TCF12: variants seen among roughly 807,000 people sequenced by gnomAD.
TCF12 encodes transcription factor 12.
TCF12 carries 45 observed loss-of-function variants against 86.0 expected under a neutral mutation model. That is an observed-to-expected ratio of 0.52 (90% CI 0.41 to 0.67). The LOEUF is 0.67. TCF12 is among the 30% of genes least tolerant of loss of function. TCF12 has a pLI of 0.00. For missense variants in TCF12, 881 were observed against 859.9 expected (o/e 1.02, Z -0.31); for synonymous variants, 330 against 299.6 (o/e 1.10, Z -1.05).
chr15:57,035,494 A>G (rs2066453531), intron 3 of TCF12, among the ~76,000 whole-genome samples: 1 of 152,058 alleles, frequency 6.6e-6, no homozygotes, highest in African/African-American at 2.4e-5. Context: ...TGCCAACTCC[A>G]GGCCTCAAGT....
chr15:57,059,961 C>T (rs2068336638), intron 3 of TCF12, among the ~76,000 whole-genome samples: 1 of 152,040 alleles, frequency 6.6e-6, no homozygotes, highest in African/African-American at 2.4e-5. Context: ...TACTGTTATT[C>T]AAATACTAAG....
At chr15:56,986,608 A>T (rs1424903657) in intron 3 of TCF12, among the ~76,000 whole-genome samples, 1 of 152,206 alleles carries the variant, frequency 6.6e-6, no homozygotes, top group Non-Finnish European at 1.5e-5. Flanking sequence ...ACATTCCTGC[A>T]TATCTTTTGG....
rs1383649961 is a variant in TCF12 at position 56,943,336 on chromosome 15, TA to T, written c.148+22246del. Among the ~76,000 whole-genome samples, 8 of 151,966 alleles carry T rather than the reference TA, an allele frequency of 5.3e-5. No individual in the cohort carries two copies. The South Asian group carries it at 1.5e-3, about 28-fold the overall frequency. ...GATTCTACATGCATATGACTTAAGC[TA>T]AAAAAAAGAAGAGCATTAGCATTTC... On this transcript the variant is annotated intron_variant, in intron 3 of 20. Transcript: ENST00000333725.
chr15:57,233,935 T>C, intron 11 of TCF12, 108 bp from the exon 12 acceptor site: 1 of 839,436 alleles, frequency 1.2e-6, no homozygotes, highest in Non-Finnish European at 2.0e-6. Flanking sequence ...TAGTTTACTG[T>C]AACAGATGTG....
rs2061938004 is a variant in TCF12, at chr15:57,286,485, G to T, written c.*340G>T. The T allele has an allele frequency of 8.0e-6, 3 of 377,190 alleles. No individual in the cohort carries two copies. The highest frequency in any genetic ancestry group is 6.3e-5 in the African/African-American group (3 of 47,354). The allele number at this position is 377,190 out of a possible 1,614,324, so 23.4% of individuals were successfully genotyped here. A position where few individuals can be genotyped will look rare whatever the true frequency, so the allele number is the denominator to read the frequency against. On this transcript the variant is annotated 3_prime_UTR_variant, in exon 21 of 21. Coordinates refer to ENST00000333725, the MANE Select transcript of TCF12 (RefSeq NM_207037.2). ...AGTTGCCTTGTGCCTAAACTGAATT[G>T]ACAAATGCATTGTAACTACAAATTT...
chr15:57,172,131 C>G (rs2055552415), intron 6 of TCF12, among the ~76,000 whole-genome samples: 1 of 151,998 alleles, frequency 6.6e-6, no homozygotes, highest in Admixed American at 6.6e-5. Flanking sequence ...TATACCCAAT[C>G]TCATATGCAG....
chr15:57,033,516 T>C (rs1226070612), intron 3 of TCF12, among the ~76,000 whole-genome samples: 2 of 152,122 alleles, frequency 1.3e-5, no homozygotes, highest in African/African-American at 4.8e-5. Context: ...CGAAACTTGG[T>C]GTGAGTAGTG....
rs142839164 is a variant in TCF12, at chr15:57,054,829, A to C, written c.149-8921A>C. 2.0e-3 allele frequency among the ~76,000 whole-genome samples: 259 copies of C among 129,294 alleles called. 3 individuals are homozygous for C. The highest frequency in any genetic ancestry group is 7.3e-3 in the African/African-American group (243 of 33,362). 84.8% of individuals were successfully genotyped at this position (129,294 alleles called of 152,430 possible). ...GTAGCGTCTCTAGGGATGTTAACAT[A>C]CATCATTAACTTCTCAAAGGCTATT... On this transcript the variant is annotated intron_variant, in intron 3 of 20. Transcript: ENST00000333725.
intron 3 of TCF12, among the ~76,000 whole-genome samples, chr15:57,044,959 C>T (rs2067134144): frequency 6.6e-6 from 1 of 152,100 alleles, no homozygotes; most frequent in Admixed American, 6.6e-5. Context: ...GTGTAAATGA[C>T]AAAGCATCCA....
chr15:56,969,326 A>G (rs1264768278), intron 3 of TCF12, among the ~76,000 whole-genome samples: 1 of 152,174 alleles, frequency 6.6e-6, no homozygotes, highest in Non-Finnish European at 1.5e-5. Flanking sequence ...AGAAGAGACC[A>G]GTTAGGAGAC....
intron 8 of TCF12, among the ~76,000 whole-genome samples, chr15:57,202,053 T>C (rs1217099480): frequency 1.3e-5 from 2 of 152,234 alleles, no homozygotes; most frequent in Non-Finnish European, 2.9e-5. Context: ...TGAGGAACTT[T>C]GTTAACCATT....
chr15:57,106,307 A>G (rs186013803), intron 5 of TCF12, among the ~76,000 whole-genome samples: 1 of 121,818 alleles, frequency 8.2e-6, no homozygotes, highest in East Asian at 2.6e-4. Flanking sequence ...TAGTTTTGAC[A>G]AAAGTAGCGT....
At chr15:57,210,252 T>A (rs540641196) in intron 8 of TCF12, among the ~76,000 whole-genome samples, 3 of 151,752 alleles carry the variant, frequency 2.0e-5, no homozygotes, top group African/African-American at 7.3e-5. Flanking sequence ...TGATTAGCAA[T>A]ACAGCCATAG....
intron 6 of TCF12, among the ~76,000 whole-genome samples, chr15:57,166,779 A>G (rs766506860): frequency 1.5e-4 from 23 of 152,240 alleles, no homozygotes; most frequent in Non-Finnish European, 1.3e-4. Context: ...TTGGTGGTAC[A>G]TAAAGAATAT....
At chr15:57,223,463 CAG>C (rs2151879930) in intron 8 of TCF12, among the ~76,000 whole-genome samples, 1 of 151,998 alleles carries the variant, frequency 6.6e-6, no homozygotes, top group East Asian at 1.9e-4. Context: ...CATGTGTGGT[CAG>C]AGTAACAATT....
chr15:57,125,226 A>G (rs912467647), intron 5 of TCF12, among the ~76,000 whole-genome samples: 18 of 152,228 alleles, frequency 1.2e-4, no homozygotes, highest in South Asian at 4.1e-4. Flanking sequence ...AAAACCAAGT[A>G]TGATTTGAGG....
chr15:56,997,509 CTTATTAGATA>C (rs1460467038), intron 3 of TCF12, among the ~76,000 whole-genome samples: 2 of 152,124 alleles, frequency 1.3e-5, no homozygotes, highest in Non-Finnish European at 2.9e-5. Flanking sequence ...AAAATAACTA[CTTATTAGATA>C]TTGTGCTCAC....
At chr15:57,055,089 C>G (rs1295302702) in intron 3 of TCF12, among the ~76,000 whole-genome samples, 1 of 151,928 alleles carries the variant, frequency 6.6e-6, no homozygotes, top group African/African-American at 2.4e-5. Flanking sequence ...GGATGCAGGT[C>G]TTCCTCTGAT....
At chr15:57,269,109 A>C (rs143473065) in intron 18 of TCF12, among the ~76,000 whole-genome samples, 150 of 152,218 alleles carry the variant, frequency 9.9e-4, no homozygotes, top group African/African-American at 3.5e-3. Flanking sequence ...GATCTGTCTA[A>C]TATTGACAGT....
Sources: gnomAD v4.1 joint callset for allele counts (sites outside exome capture counted in the v4.1 genomes callset) on GRCh38, gnomAD v4.1.1 for gene constraint, MANE v1.5 for transcripts, NCBI Gene and HGNC (gene_info 2026-07-23, HGNC 2026-07-21) for gene names.